Variants in MGMT observed in about 807,000 individuals in gnomAD.
MGMT encodes the protein O-6-methylguanine-DNA methyltransferase, also known as methylated-DNA--protein-cysteine methyltransferase.
MGMT carries 14 observed loss-of-function variants against 15.9 expected under a neutral mutation model. The ratio of observed to expected loss-of-function variants is 0.88; its 90% CI spans 0.58 to 1.37. The LOEUF (loss-of-function observed/expected upper bound fraction) is 1.37. MGMT is among the 40% of genes most tolerant of loss of function. The probability of loss-of-function intolerance (pLI) is 0.00; values close to 1 mark genes in which losing one functional copy is unlikely to be tolerated. For missense variants in MGMT, 282 were observed against 268.1 expected, an observed-to-expected ratio of 1.05 and a Z score of -0.36; for synonymous variants, 130 against 118.2, an observed-to-expected ratio of 1.10 and a Z score of -0.65.
At chr10:129,722,639 A>G (rs1238393974) in intron 3 of MGMT, among the ~76,000 whole-genome samples, 1 of 152,152 alleles carries the variant, frequency 6.6e-6, no homozygotes, top group African/African-American at 2.4e-5. Flanking sequence ...GAACAGTGCA[A>G]CAGAGAGAGA....
intron 2 of MGMT, among the ~76,000 whole-genome samples, chr10:129,547,607 G>A (rs1846111467): frequency 6.6e-6 from 1 of 152,202 alleles, no homozygotes; most frequent in South Asian, 2.1e-4. Flanking sequence ...TTTTCTTGCA[G>A]TGATTGTTCT....
At chr10:129,756,469 GTTTTGTT>G (rs372335853) in intron 3 of MGMT, among the ~76,000 whole-genome samples, 3 of 152,028 alleles carry the variant, frequency 2.0e-5, no homozygotes, top group Non-Finnish European at 4.4e-5. Context: ...GGTTTTTTTT[GTTTTGTT>G]TTTTGTTTTT....
At position 129,766,891 on chromosome 10, in the gene MGMT, G is replaced by T. The variant is rs774873416; in HGVS notation, c.518G>T (p.Gly173Val). Residue 173 changes from glycine (G) to valine (V), a missense_variant, in exon 5 of 5, where the codon GGC becomes GTC. Coordinates refer to ENST00000651593, the MANE Select transcript of MGMT (RefSeq NM_002412.5). The stretch of plus-strand genomic sequence containing the variant: ...AAGGAATGGCTTCTGGCCCATGAAG[G>T]CCACCGGTTGGGGAAGCCAGGCTTG... The part of the protein sequence containing the change: ...AVKEWLLAHE[G>V]HRLGKPGLGG... The T allele has an allele frequency of 3.6e-5, 58 of 1,613,448 alleles. No homozygotes were observed. Among genetic ancestry groups the T allele is most frequent in the Non-Finnish European group, 4.8e-5 (57 of 1,180,032 alleles).
chr10:129,581,440 G>A (rs185387280), intron 2 of MGMT, among the ~76,000 whole-genome samples: 94 of 152,232 alleles, frequency 6.2e-4, no homozygotes, highest in African/African-American at 2.2e-3. Context: ...GCATGGTCTC[G>A]CAGCCAAGTA....
intron 1 of MGMT, among the ~76,000 whole-genome samples, chr10:129,523,300 T>A (rs999301187): frequency 6.6e-6 from 1 of 152,252 alleles, no homozygotes; most frequent in Non-Finnish European, 1.5e-5. Context: ...CTTCTTTCCC[T>A]TCTGCAAGGC....
chr10:129,490,355 A>T (rs987045289), intron 1 of MGMT, among the ~76,000 whole-genome samples: 1 of 152,176 alleles, frequency 6.6e-6, no homozygotes, highest in African/African-American at 2.4e-5. Context: ...ATGTTAAGCT[A>T]TCTTTGCATT....
intron 1 of MGMT, among the ~76,000 whole-genome samples, chr10:129,470,599 A>G (rs1204321232): frequency 6.6e-6 from 1 of 152,168 alleles, no homozygotes; most frequent in African/African-American, 2.4e-5. Flanking sequence ...AAGGAATCAA[A>G]CACTGAGTCC....
At chr10:129,562,978 A>G (rs1846297655) in intron 2 of MGMT, among the ~76,000 whole-genome samples, 1 of 152,150 alleles carries the variant, frequency 6.6e-6, no homozygotes, top group South Asian at 2.1e-4. Context: ...TGCCCGTGCC[A>G]CCATTCTGCG....
intron 3 of MGMT, among the ~76,000 whole-genome samples, chr10:129,744,285 C>T (rs768746007): frequency 5.3e-5 from 8 of 152,180 alleles, no homozygotes; most frequent in Non-Finnish European, 1.0e-4. Context: ...TGTGGGTGTG[C>T]GCCAGGCCAC....
intron 2 of MGMT, among the ~76,000 whole-genome samples, chr10:129,617,445 C>T (rs1008348202): frequency 6.6e-6 from 1 of 151,958 alleles, no homozygotes; most frequent in Admixed American, 6.5e-5. Flanking sequence ...GGTGTGTGCC[C>T]AATAATAGGA....
In MGMT at chr10:129,648,659, CT is replaced by C. The variant is rs535219366; in HGVS notation, c.126-59229del. On this transcript the variant is annotated intron_variant, in intron 2 of 4. Transcript: ENST00000651593. ...TTTGCCGCTAAGTTTCTTTCTTTCA[CT>C]TTTTTTCTTTTCTTTTTTCTTCTTG... Among the ~76,000 whole-genome samples the C allele has an allele frequency of 6.5e-3, 992 of 152,250 alleles. 17 individuals carry two copies. The highest frequency in any genetic ancestry group is 0.023 in the African/African-American group (961 of 41,538).
intron 1 of MGMT, among the ~76,000 whole-genome samples, chr10:129,519,251 C>T (rs1564840604): frequency 6.6e-6 from 1 of 152,122 alleles, no homozygotes. Context: ...TTTATTCTTG[C>T]ATTTATTAGT....
intron 3 of MGMT, among the ~76,000 whole-genome samples, chr10:129,750,112 T>C (rs974463447): frequency 2.0e-5 from 3 of 152,170 alleles, no homozygotes; most frequent in Non-Finnish European, 4.4e-5. Context: ...AAGAAGTTTT[T>C]AATTTTAATA....
intron 4 of MGMT, among the ~76,000 whole-genome samples, chr10:129,761,855 C>T (rs1391339776): frequency 6.6e-6 from 1 of 152,224 alleles, no homozygotes; most frequent in Non-Finnish European, 1.5e-5. Context: ...TGACCTTCAG[C>T]CTGAGGAGGG....
intron 3 of MGMT, chr10:129,717,767 A>G (rs948268747): frequency 6.6e-5 from 10 of 152,256 alleles, no homozygotes; most frequent in Non-Finnish European, 1.3e-4. Context: ...GACAGTGAGC[A>G]GCAGTAATGC....
intron 2 of MGMT, among the ~76,000 whole-genome samples, chr10:129,627,539 A>C (rs79356543): frequency 0.026 from 3,912 of 152,248 alleles, 79 homozygotes; most frequent in South Asian, 0.061. Context: ...TGATGTCTTC[A>C]TCTGGCCCCT....
chr10:129,761,949 C>G (rs1331679009), intron 4 of MGMT, among the ~76,000 whole-genome samples: 2 of 152,344 alleles, frequency 1.3e-5, no homozygotes, highest in East Asian at 1.9e-4. Context: ...CTGCAAGAAG[C>G]CTTCAGCTAC....
At chr10:129,604,807 G>A (rs953609866) in intron 2 of MGMT, among the ~76,000 whole-genome samples, 30 of 139,870 alleles carry the variant, frequency 2.1e-4, no homozygotes, top group Admixed American at 6.7e-4. Context: ...GTCTCCAACA[G>A]ACCTTTACCC....
At chr10:129,495,199 T>G (rs1845508060) in intron 1 of MGMT, among the ~76,000 whole-genome samples, 1 of 152,262 alleles carries the variant, frequency 6.6e-6, no homozygotes, top group South Asian at 2.1e-4. Flanking sequence ...TAAATGAGAC[T>G]AATTATTTGA....
Sources: allele counts gnomAD v4.1 joint callset (sites outside exome capture counted in the v4.1 genomes callset), GRCh38; gene constraint gnomAD v4.1.1; transcripts MANE v1.5; gene names NCBI Gene and HGNC (gene_info 2026-07-23, HGNC 2026-07-21).